EPM2A: variants seen among roughly 807,000 people sequenced by gnomAD.
EPM2A encodes the protein EPM2A glucan phosphatase, laforin, also known as laforin.
Under a neutral mutation model 26.5 loss-of-function variants are expected in EPM2A, and 21 were observed. The observed-to-expected ratio is 0.79, with a 90% CI of 0.56 to 1.14. EPM2A has a LOEUF of 1.14. Among genes scored for constraint, EPM2A ranks in the 50% most tolerant of loss-of-function variants. The probability of loss-of-function intolerance (pLI) is 0.00; values close to 1 mark genes in which losing one functional copy is unlikely to be tolerated. For synonymous variants in EPM2A, 217 were observed against 177.6 expected (o/e 1.22, Z -1.76); for missense variants, 458 against 440.8 (o/e 1.04, Z -0.35).
At chr6:145,457,042 A>C (rs1319621035) in intron 4 of EPM2A, among the ~76,000 whole-genome samples, 2 of 152,238 alleles carry the variant, frequency 1.3e-5, no homozygotes, top group Non-Finnish European at 2.9e-5. Flanking sequence ...TTATGTGCTA[A>C]GTGAGGTTTA....
chr6:145,715,933 A>C (rs1775591899), intron 1 of EPM2A, among the ~76,000 whole-genome samples: 3 of 152,224 alleles, frequency 2.0e-5, no homozygotes, highest in Non-Finnish European at 2.9e-5. Flanking sequence ...AAAGTACACA[A>C]TAAATGTAAT....
At chr6:145,612,429 T>C (rs866750054) in intron 2 of EPM2A, among the ~76,000 whole-genome samples, 3 of 152,180 alleles carry the variant, frequency 2.0e-5, no homozygotes, top group Non-Finnish European at 4.4e-5. Context: ...GTAAGCCTCA[T>C]GGTAACACAA....
At chr6:145,718,100 C>A (rs1298613239) in intron 1 of EPM2A, among the ~76,000 whole-genome samples, 1 of 151,804 alleles carries the variant, frequency 6.6e-6, no homozygotes, top group Non-Finnish European at 1.5e-5. Context: ...ACTTTCTTCA[C>A]AGAATTGGAA....
At chr6:145,528,646 T>A (rs191428074) in intron 2 of EPM2A, among the ~76,000 whole-genome samples, 15 of 152,270 alleles carry the variant, frequency 9.9e-5, no homozygotes, top group Admixed American at 7.2e-4. Context: ...ATGTACCTGG[T>A]CACCCAAGAG....
At chr6:145,519,149 T>C (rs1387455348) in intron 2 of EPM2A, among the ~76,000 whole-genome samples, 1 of 152,212 alleles carries the variant, frequency 6.6e-6, no homozygotes, top group Admixed American at 6.5e-5. Flanking sequence ...TTTAAGCAGT[T>C]GTCTCCTAAA....
At chr6:145,731,254 G>A (rs764494092) in intron 1 of EPM2A, among the ~76,000 whole-genome samples, 72 of 152,152 alleles carry the variant, frequency 4.7e-4, no homozygotes, top group Non-Finnish European at 8.5e-4. Flanking sequence ...ATTCCATGGA[G>A]TGTTCTCCCA....
chr6:145,652,294 A>C (rs894952557), intron 2 of EPM2A, among the ~76,000 whole-genome samples: 38 of 152,074 alleles, frequency 2.5e-4, no homozygotes, highest in African/African-American at 9.2e-4. Context: ...ACTTCAAAAA[A>C]TTTTTGCTTT....
intron 2 of EPM2A, among the ~76,000 whole-genome samples, chr6:145,554,101 C>T (rs1156429506): frequency 6.6e-6 from 1 of 151,796 alleles, no homozygotes; most frequent in South Asian, 2.1e-4. Context: ...TTCAGCAATG[C>T]TATGTGACAA....
intron 2 of EPM2A, chr6:145,671,483 T>C: frequency 1.5e-6 from 1 of 653,416 alleles, no homozygotes; most frequent in Non-Finnish European, 1.9e-6. Context: ...GCCTTAGCTT[T>C]TGAAATTAAC....
chr6:145,549,659 G>A (rs1195781414), intron 2 of EPM2A, among the ~76,000 whole-genome samples: 3 of 152,136 alleles, frequency 2.0e-5, no homozygotes, highest in African/African-American at 7.2e-5. Context: ...TGGTAGCAGA[G>A]CTGAGCATAG....
At chr6:145,690,228 A>G (rs1238376202) in intron 1 of EPM2A, among the ~76,000 whole-genome samples, 2 of 152,186 alleles carry the variant, frequency 1.3e-5, no homozygotes, top group East Asian at 3.9e-4. Flanking sequence ...AGCTAACCTC[A>G]GGCCGGGCAC....
chr6:145,587,837 T>G (rs934212503), intron 2 of EPM2A, among the ~76,000 whole-genome samples: 2 of 152,196 alleles, frequency 1.3e-5, no homozygotes, highest in African/African-American at 4.8e-5. Context: ...TCTAAAACCT[T>G]GAAAGGCATG....
intron 4 of EPM2A, among the ~76,000 whole-genome samples, chr6:145,434,035 T>A (rs1338382466): frequency 1.3e-5 from 2 of 152,056 alleles, no homozygotes; most frequent in Non-Finnish European, 2.9e-5. Flanking sequence ...AAAAAAATCT[T>A]TATTTTACCC....
intron 1 of EPM2A, among the ~76,000 whole-genome samples, chr6:145,696,038 T>C (rs943540443): frequency 6.6e-6 from 1 of 152,062 alleles, no homozygotes; most frequent in African/African-American, 2.4e-5. Flanking sequence ...ACAAAACAAG[T>C]CTTTAATAAT....
chr6:145,489,996 G>T (rs911791660), intron 4 of EPM2A: 2 of 1,370,978 alleles, frequency 1.5e-6, no homozygotes, highest in African/African-American at 2.9e-5. Context: ...TCCTGGAGCA[G>T]ATCTGGATGG....
intron 2 of EPM2A, among the ~76,000 whole-genome samples, chr6:145,656,143 AG>A (rs1217020071): frequency 2.6e-5 from 4 of 152,356 alleles, no homozygotes; most frequent in African/African-American, 9.6e-5. Context: ...AGAAGCCTCA[AG>A]GGGGCTGACT....
intron 2 of EPM2A, among the ~76,000 whole-genome samples, chr6:145,531,197 T>C (rs893452645): frequency 2.0e-5 from 3 of 152,124 alleles, no homozygotes; most frequent in Non-Finnish European, 2.9e-5. Context: ...CTTTGATCAT[T>C]TGTGGGCAGG....
intron 2 of EPM2A, among the ~76,000 whole-genome samples, chr6:145,649,975 T>C (rs1777757104): frequency 6.6e-6 from 1 of 152,166 alleles, no homozygotes; most frequent in South Asian, 2.1e-4. Context: ...TTCTATTCCA[T>C]CTATCCAGTT....
At chr6:145,598,895 T>C (rs946899579) in intron 2 of EPM2A, among the ~76,000 whole-genome samples, 1 of 152,228 alleles carries the variant, frequency 6.6e-6, no homozygotes, top group Non-Finnish European at 1.5e-5. Context: ...TTATCAGCTT[T>C]GCTGAAGATC....
Sources: gnomAD v4.1 joint callset for allele counts (sites outside exome capture counted in the v4.1 genomes callset) on GRCh38, gnomAD v4.1.1 for gene constraint, MANE v1.5 for transcripts, NCBI Gene and HGNC (gene_info 2026-07-23, HGNC 2026-07-21) for gene names.